The following ISM1 variants were observed in gnomAD, a reference collection of about 807,000 sequenced individuals.
ISM1 encodes the protein isthmin 1.
Under a neutral mutation model 46.3 loss-of-function variants are expected in ISM1, and 25 were observed. The observed-to-expected ratio is 0.54, with a 90% CI of 0.39 to 0.75. ISM1 has a LOEUF of 0.75. Among genes scored for constraint, ISM1 ranks in the 30% least tolerant of loss-of-function variants. The pLI is 0.00. For synonymous variants in ISM1, 255 were observed against 256.7 expected, an observed-to-expected ratio of 0.99 and a Z score of 0.06; for missense variants, 536 against 625.4, an observed-to-expected ratio of 0.86 and a Z score of 1.52.
chr20:13,257,474 C>T lies in ISM1; in HGVS notation c.139-13030C>T, dbSNP rs1020641178. ...GAAGGTTGCAGGGCCTGGTTCTCTG[C>T]GTCTTCCTCAGTTCTCTGCCTCATC... On this transcript the variant is annotated intron_variant, in intron 1 of 5. Coordinates refer to ENST00000262487, the MANE Select transcript of ISM1 (RefSeq NM_080826.2). Among the ~76,000 whole-genome samples, 6 of 152,218 alleles carry T rather than the reference C, an allele frequency of 3.9e-5. No individual in the cohort carries two copies. The South Asian group carries it at 6.2e-4, about 16-fold the overall frequency.
chr20:13,297,491 TG>T (rs1241939480), intron 5 of ISM1, among the ~76,000 whole-genome samples: 11 of 152,230 alleles, frequency 7.2e-5, no homozygotes, highest in Admixed American at 5.2e-4. Flanking sequence ...TCTCAGGGTC[TG>T]GGGTAACCCA....
chr20:13,279,947 G>A, intron 3 of ISM1, 49 bp downstream of exon 3: 1 of 1,562,656 alleles, frequency 6.4e-7, no homozygotes, highest in Non-Finnish European at 8.7e-7. Context: ...AATAAACGAG[G>A]ATGATGCCTT....
chr20:13,292,613 A>G, intron 5 of ISM1, 150 bp downstream of exon 5: 1 of 630,924 alleles, frequency 1.6e-6, no homozygotes, highest in Non-Finnish European at 2.8e-6. Context: ...CTTGCTGAAT[A>G]TACTTCAAGC....
chr20:13,240,930 C>T (rs570009290), intron 1 of ISM1, among the ~76,000 whole-genome samples: 10 of 152,160 alleles, frequency 6.6e-5, no homozygotes, highest in African/African-American at 2.2e-4. Flanking sequence ...TATGAGATGC[C>T]TCTGGGACAT....
At chr20:13,247,783 A>G (rs2039817185) in intron 1 of ISM1, among the ~76,000 whole-genome samples, 1 of 152,188 alleles carries the variant, frequency 6.6e-6, no homozygotes, top group African/African-American at 2.4e-5. Flanking sequence ...GCTCAGATGT[A>G]TTGACATAAG....
chr20:13,271,778 C>T (rs1311407670), intron 2 of ISM1, among the ~76,000 whole-genome samples: 1 of 152,094 alleles, frequency 6.6e-6, no homozygotes, highest in East Asian at 1.9e-4. Flanking sequence ...CATATGCCTG[C>T]TTCCATATTT....
At chr20:13,285,093 C>T (rs1045711280) in intron 3 of ISM1, among the ~76,000 whole-genome samples, 13 of 152,150 alleles carry the variant, frequency 8.5e-5, no homozygotes, top group Admixed American at 2.6e-4. Context: ...TCAAGGCTAG[C>T]CTGGGCAACA....
the ISM1 span, among the ~76,000 whole-genome samples, chr20:13,326,522 C>T: frequency 0.021 from 2,525 of 122,798 alleles, 33 homozygotes; most frequent in South Asian, 0.069. Context: ...CTCACCAACA[C>T]TTGGTATGAA....
intron 4 of ISM1, among the ~76,000 whole-genome samples, chr20:13,290,512 G>C (rs1016609641): frequency 2.6e-5 from 4 of 152,106 alleles, no homozygotes; most frequent in Admixed American, 1.3e-4. Flanking sequence ...AGTCGGGCAT[G>C]GTGGCGGGCG....
chr20:13,250,159 G>T (rs1183071931), intron 1 of ISM1, among the ~76,000 whole-genome samples: 1 of 152,156 alleles, frequency 6.6e-6, no homozygotes, highest in South Asian at 2.1e-4. Flanking sequence ...GCCATGAAAC[G>T]ACCACGTTGA....
intron 1 of ISM1, among the ~76,000 whole-genome samples, chr20:13,235,305 A>G (rs2039635363): frequency 6.6e-6 from 1 of 152,214 alleles, no homozygotes; most frequent in Admixed American, 6.5e-5. Context: ...TTACCATTTC[A>G]TCAGCCAAAG....
At chr20:13,224,959 C>T (rs1047699080) in intron 1 of ISM1, among the ~76,000 whole-genome samples, 8 of 151,168 alleles carry the variant, frequency 5.3e-5, no homozygotes, top group Non-Finnish European at 1.0e-4. Flanking sequence ...CATTCTCCTG[C>T]CTCAGCCTCC....
intron 3 of ISM1, among the ~76,000 whole-genome samples, chr20:13,282,703 T>C (rs1361446394): frequency 6.6e-6 from 1 of 152,252 alleles, no homozygotes; most frequent in Non-Finnish European, 1.5e-5. Context: ...ATTGCTACTT[T>C]ATAAATAAAG....
chr20:13,308,531 G>T, the ISM1 span, among the ~76,000 whole-genome samples: 1 of 151,928 alleles, frequency 6.6e-6, no homozygotes, highest in South Asian at 2.1e-4. Flanking sequence ...CACTCCTGAG[G>T]GCCTGTTTTT....
chr20:13,237,348 T>G (rs1201934046), intron 1 of ISM1, among the ~76,000 whole-genome samples: 1 of 152,122 alleles, frequency 6.6e-6, no homozygotes, highest in Non-Finnish European at 1.5e-5. Context: ...CCCAATGCCA[T>G]CAACAGAATG....
chr20:13,221,757 A>G lies in ISM1; in HGVS notation c.-20A>G. 7.0e-7 allele frequency: 1 copy of G among 1,424,638 alleles called. No homozygotes were observed. 88.2% of individuals were successfully genotyped at this position (1,424,638 alleles called of 1,614,324 possible). On this transcript the variant is annotated 5_prime_UTR_variant, in exon 1 of 6. It removes the in-frame stop codon of an upstream open reading frame in the 5' UTR. Coordinates refer to ENST00000262487, the MANE Select transcript of ISM1 (RefSeq NM_080826.2). ...CCGCCGGCCGCCGCGCCGGGTCCTA[A>G]AGCCGCGCGTCTCAAAAGGATGGTG...
At chr20:13,247,072 C>G (rs762240352) in intron 1 of ISM1, among the ~76,000 whole-genome samples, 4 of 152,050 alleles carry the variant, frequency 2.6e-5, no homozygotes, top group Admixed American at 6.5e-5. Context: ...CCCGTCTCTA[C>G]TGAAAATACA....
chr20:13,311,074 A>G, the ISM1 span, among the ~76,000 whole-genome samples: 6 of 152,100 alleles, frequency 3.9e-5, no homozygotes, highest in African/African-American at 1.4e-4. Flanking sequence ...GGTGCCTGTA[A>G]TCCCAGCTAC....
intron 1 of ISM1, among the ~76,000 whole-genome samples, chr20:13,224,880 C>T (rs1201407847): frequency 1.6e-5 from 2 of 127,106 alleles, no homozygotes; most frequent in Admixed American, 9.1e-5. Flanking sequence ...CAGTCTTGCT[C>T]TGTCGCCCAG....
Sources: allele counts gnomAD v4.1 joint callset (sites outside exome capture counted in the v4.1 genomes callset), GRCh38; gene constraint gnomAD v4.1.1; transcripts MANE v1.5; gene names NCBI Gene and HGNC (gene_info 2026-07-23, HGNC 2026-07-21).